The following ARL6IP6 variants were observed in gnomAD, a reference collection of about 807,000 sequenced individuals.
ARL6IP6 encodes ARF like GTPase 6 interacting protein 6, also known as ADP-ribosylation factor-like protein 6-interacting protein 6.
Under a neutral mutation model 21.5 loss-of-function variants are expected in ARL6IP6, and 22 were observed. The ratio of observed to expected loss-of-function variants is 1.02; its 90% CI spans 0.73 to 1.46. The LOEUF (loss-of-function observed/expected upper bound fraction) is 1.46, where lower values mean the gene tolerates loss of function less well. ARL6IP6 is among the 40% of genes most tolerant of loss of function. The pLI, the probability that ARL6IP6 is intolerant of heterozygous loss-of-function variation, is 0.00. For missense variants in ARL6IP6, 388 were observed against 299.8 expected (o/e 1.29, Z -2.17); for synonymous variants, 164 against 125.3 (o/e 1.31, Z -2.06).
At chr2:152,754,053 T>G (rs181832835) in intron 3 of ARL6IP6, among the ~76,000 whole-genome samples, 91 of 152,084 alleles carry the variant, frequency 6.0e-4, no homozygotes, top group Non-Finnish European at 8.2e-4. Context: ...TTTGTTTTTT[T>G]TTTTCATATA....
chr2:152,729,198 T>C (rs1232473331), intron 2 of ARL6IP6, among the ~76,000 whole-genome samples: 1 of 152,112 alleles, frequency 6.6e-6, no homozygotes, highest in Non-Finnish European at 1.5e-5. Flanking sequence ...GGTGAAACCC[T>C]GTGTCTACTA....
intron 3 of ARL6IP6, among the ~76,000 whole-genome samples, chr2:152,758,621 C>G (rs984801891): frequency 1.3e-5 from 2 of 152,032 alleles, no homozygotes; most frequent in Non-Finnish European, 2.9e-5. Flanking sequence ...AAGGTTGAGT[C>G]GAAAGTAAAT....
intron 2 of ARL6IP6, among the ~76,000 whole-genome samples, chr2:152,728,543 A>C (rs973431513): frequency 6.6e-6 from 1 of 152,194 alleles, no homozygotes; most frequent in African/African-American, 2.4e-5. Flanking sequence ...TTTTGCTGGA[A>C]GGTTTTATAG....
chr2:152,743,758 T>G (rs1008498341), intron 3 of ARL6IP6, among the ~76,000 whole-genome samples: 1 of 152,196 alleles, frequency 6.6e-6, no homozygotes, highest in Admixed American at 6.5e-5. Context: ...AAAGTACTGC[T>G]GGAAATTTCA....
intron 3 of ARL6IP6, among the ~76,000 whole-genome samples, chr2:152,746,173 A>G (rs1701037990): frequency 6.6e-6 from 1 of 151,916 alleles, no homozygotes; most frequent in Admixed American, 6.6e-5. Context: ...ATGCGCCACC[A>G]CATCTGGCTA....
At chr2:152,725,961 T>C (rs543861708) in intron 2 of ARL6IP6, among the ~76,000 whole-genome samples, 31 of 146,766 alleles carry the variant, frequency 2.1e-4, no homozygotes, top group Non-Finnish European at 2.3e-4. Flanking sequence ...TTTGGACTTA[T>C]ATGATAAAAA....
chr2:152,741,290 T>C (rs1252842915), intron 3 of ARL6IP6, among the ~76,000 whole-genome samples: 2 of 152,080 alleles, frequency 1.3e-5, no homozygotes, highest in Non-Finnish European at 2.9e-5. Flanking sequence ...AAAATTGAAA[T>C]TGGGATCACA....
chr2:152,732,509 C>T, intron 2 of ARL6IP6: 6 of 406,916 alleles, frequency 1.5e-5, no homozygotes, highest in Non-Finnish European at 2.0e-5. Flanking sequence ...GATTGCTGGT[C>T]TTTTTTTTTA....
rs1238510957 is a variant in ARL6IP6 at position 152,760,571 on chromosome 2, A to G, written c.*731A>G. ...CAAAAAAGCACATTGACCTAAGTTGAAAATTAAGTAAGTTTATTTTTAACA... is the reference window on the plus strand; with the variant it reads ...CAAAAAAGCACATTGACCTAAGTTGGAAATTAAGTAAGTTTATTTTTAACA... On this transcript the variant is annotated 3_prime_UTR_variant, in exon 4 of 4. Transcript: ENST00000326446. 1.3e-5 allele frequency: 2 copies of G among 151,994 alleles called. No homozygotes were observed. The highest frequency in any genetic ancestry group is 2.9e-5 in the Non-Finnish European group (2 of 67,942). 9.4% of individuals were successfully genotyped at this position (151,994 alleles called of 1,614,324 possible). A position where few individuals can be genotyped will look rare whatever the true frequency, so the allele number is the denominator to read the frequency against.
intron 2 of ARL6IP6, among the ~76,000 whole-genome samples, chr2:152,722,102 A>G (rs973883195): frequency 6.6e-6 from 1 of 152,192 alleles, no homozygotes; most frequent in African/African-American, 2.4e-5. Context: ...GAGTAGAATG[A>G]CGGGCAGTTG....
rs1491382939 is a variant in ARL6IP6 at position 152,734,975 on chromosome 2, CCT to C, written c.455-14_455-13del. 6.2e-7 allele frequency: 1 copy of C among 1,602,210 alleles called. No individual in the cohort carries two copies. Among genetic ancestry groups the C allele is most frequent in the Non-Finnish European group, 8.5e-7 (1 of 1,171,630 alleles). On this transcript the variant is annotated splice_polypyrimidine_tract_variant and intron_variant, in intron 2 of 3. Coordinates refer to ENST00000326446, the MANE Select transcript of ARL6IP6 (RefSeq NM_152522.7). ...TTGGTGTTAATAATGTACTTTTTCC[CCT>C]CTCTTTTCCTGTTAAGGATTCTGGA...
intron 3 of ARL6IP6, among the ~76,000 whole-genome samples, chr2:152,755,621 C>A (rs892156762): frequency 7.2e-5 from 11 of 152,242 alleles, no homozygotes; most frequent in Non-Finnish European, 1.5e-5. Flanking sequence ...GCCCCCTGTC[C>A]AGTGGACACG....
Position 152,735,085 on chromosome 2 carries a change from A to G in ARL6IP6, c.546A>G (p.Pro182=), listed in dbSNP as rs1700491889. 1 of 1,613,834 alleles carries G rather than the reference A, an allele frequency of 6.2e-7. No homozygotes were observed. The highest frequency in any genetic ancestry group is 8.5e-7 in the Non-Finnish European group (1 of 1,179,826). Residue 182 remains proline, a synonymous_variant, in exon 3 of 4, where the codon CCA becomes CCG. Transcript: ENST00000326446. ...TGACTTACTTTGATTCTTTTGAACC[A>G]GGAATGTTTCCTCCTACTCCTCTTT... The part of the protein sequence containing the change: ...WTVTYFDSFE[P]GMFPPTPLSP...
At chr2:152,717,842 A>G (rs549563240), upstream of ARL6IP6, 18 of 1,104,670 alleles carry the variant, frequency 1.6e-5, no homozygotes, top group East Asian at 1.2e-3. Context: ...TGAGGCCGCC[A>G]GGGGTAGGGT....
chr2:152,726,273 G>A (rs1476571724), intron 2 of ARL6IP6, among the ~76,000 whole-genome samples: 1 of 152,146 alleles, frequency 6.6e-6, no homozygotes, highest in Non-Finnish European at 1.5e-5. Flanking sequence ...TGTTTCAACA[G>A]AAAGATGTAG....
At chr2:152,748,437 A>G (rs1250679266) in intron 3 of ARL6IP6, among the ~76,000 whole-genome samples, 2 of 152,220 alleles carry the variant, frequency 1.3e-5, no homozygotes, top group African/African-American at 4.8e-5. Context: ...GATTCCAGAT[A>G]AAGAACTAAC....
intron 3 of ARL6IP6, among the ~76,000 whole-genome samples, chr2:152,759,111 G>GA (rs1701716115): frequency 6.6e-6 from 1 of 152,048 alleles, no homozygotes; most frequent in South Asian, 2.1e-4. Flanking sequence ...CAAGATAAAG[G>GA]AAACAAATGT....
intron 2 of ARL6IP6, chr2:152,732,590 A>G (rs1700370458): frequency 4.5e-6 from 2 of 442,026 alleles, no homozygotes; most frequent in Admixed American, 5.5e-5. Flanking sequence ...GGTATGTTTT[A>G]TTTAAAAATT....
chr2:152,747,753 T>G (rs1701123363), intron 3 of ARL6IP6, among the ~76,000 whole-genome samples: 1 of 151,988 alleles, frequency 6.6e-6, no homozygotes, highest in Non-Finnish European at 1.5e-5. Flanking sequence ...GTATTTTTAG[T>G]AGAGATGGGG....
Sources: allele counts gnomAD v4.1 joint callset (sites outside exome capture counted in the v4.1 genomes callset), GRCh38; gene constraint gnomAD v4.1.1; transcripts MANE v1.5; gene names NCBI Gene and HGNC (gene_info 2026-07-23, HGNC 2026-07-21).